Variants in MYH14 observed in about 807,000 individuals in gnomAD.
MYH14 encodes the protein myosin heavy chain 14.
MYH14 carries 123 observed loss-of-function variants against 255.5 expected under a neutral mutation model. That is an observed-to-expected ratio of 0.48 (90% CI 0.42 to 0.56). The LOEUF is 0.56. Among genes scored for constraint, MYH14 ranks in the 20% least tolerant of loss-of-function variants. MYH14 has a pLI of 0.00. For missense variants in MYH14, 2,423 were observed against 2,802.3 expected (o/e 0.86, Z 3.06); for synonymous variants, 1,095 against 1,161.2 (o/e 0.94, Z 1.16).
rs761083014 is a variant in MYH14 at position 50,289,608 on chromosome 19, A to G, written c.4925A>G (p.Asp1642Gly). ...TQHERDLQGR[D>G]EAGEERRRQL... ...CATGAGCGTGACCTGCAGGGCCGTG[A>G]TGAGGCTGGTGAAGAGAGGCGGAGG... Residue 1642 changes from aspartate (D) to glycine (G), a missense_variant, in exon 35 of 43, where the codon GAT (aspartate) becomes GGT (glycine). Asp to Gly is a moderately conservative substitution (Grantham distance 94). Around this residue, in one of 3 missense-constraint regions of MYH14, gnomAD observed 1,513 missense variants for 1,674.8 expected, o/e 0.90. Coordinates refer to ENST00000642316, the MANE Select transcript of MYH14 (RefSeq NM_001145809.2). 4.3e-6 allele frequency: 7 copies of G among 1,612,394 alleles called. No homozygotes were observed. Among genetic ancestry groups the G allele is most frequent in the Non-Finnish European group, 5.9e-6 (7 of 1,179,466 alleles).
At chr19:50,300,985 A>C (rs1174000216) in intron 39 of MYH14, among the ~76,000 whole-genome samples, 1 of 152,068 alleles carries the variant, frequency 6.6e-6, no homozygotes, top group Admixed American at 6.5e-5. Flanking sequence ...AGAATATGCT[A>C]ATTACCCAGT....
intron 13 of MYH14, chr19:50,249,421 CT>C (rs1404109779): frequency 3.4e-5 from 21 of 624,484 alleles, no homozygotes; most frequent in African/African-American, 5.6e-5. Context: ...TCTCTGTCCC[CT>C]GTCTCTGGGT....
Position 50,226,911 on chromosome 19 carries a change from C to T in MYH14, c.819C>T (p.Phe273=). ...KNDNSSRFGK[F]IRINFDVAGY... The stretch of plus-strand genomic sequence containing the variant: ...ACTTTGGTCTCTCCCAGGGCAAATT[C>T]ATCCGCATCAACTTTGATGTTGCCG... The change falls in exon 8 of 43, where the codon TTC becomes TTT. Residue 273 remains phenylalanine (F), a synonymous_variant. Transcript: ENST00000642316. The T allele has an allele frequency of 6.2e-7, 1 of 1,613,814 alleles. No homozygotes were observed. The highest frequency in any genetic ancestry group is 8.5e-7 in the Non-Finnish European group (1 of 1,179,796).
chr19:50,308,843 C>G, intron 41 of MYH14, 162 bp from the exon 42 acceptor site: 1 of 710,838 alleles, frequency 1.4e-6, no homozygotes, highest in Non-Finnish European at 2.3e-6. Context: ...TAGAGGCTGG[C>G]ATGAGGGATT....
rs1048588434 is a variant in MYH14 at position 50,303,747 on chromosome 19, A to G, written c.5678+1878A>G. ...TGTGTTGTTTTTTAGTCTTTTCCTC[A>G]TGGTCATAAAATGGCTGCAATTGCA... is the stretch of plus-strand genomic sequence containing the variant. On this transcript the variant is annotated intron_variant, in intron 40 of 42. Coordinates refer to ENST00000642316, the MANE Select transcript of MYH14 (RefSeq NM_001145809.2). Among the ~76,000 whole-genome samples the G allele has an allele frequency of 3.3e-5, 5 of 152,126 alleles. No individual in the cohort carries two copies. The East Asian group carries it at 7.7e-4, about 23-fold the overall frequency.
At chr19:50,246,645 C>CAAAACAAACA (rs2034138833) in intron 11 of MYH14, among the ~76,000 whole-genome samples, 2 of 53,942 alleles carry the variant, frequency 3.7e-5, no homozygotes, top group African/African-American at 1.8e-4. Flanking sequence ...ACAAAACAAA[C>CAAAACAAACA]AAAAAAACCA....
chr19:50,278,213 T>C lies in MYH14; in HGVS notation c.3956T>C (p.Leu1319Pro). Residue 1319 changes from leucine (L) to proline (P), a missense_variant, in exon 30 of 43, where the codon CTG (leucine) becomes CCG (proline). Transcript: ENST00000642316. ...CGGAGGCGCCGCCTGGAGTTACAGC[T>C]GCAGGAGGTGCAGGGCCGGGCTGGT... The part of the protein sequence containing the change: ...EQRRRRLELQ[L>P]QEVQGRAGDG... 6.2e-7 allele frequency: 1 copy of C among 1,605,758 alleles called. No individual in the cohort carries two copies. Among genetic ancestry groups the C allele is most frequent in the Non-Finnish European group, 8.5e-7 (1 of 1,176,804 alleles).
Position 50,301,864 on chromosome 19 carries a change from G to A in MYH14, c.5673G>A (p.Glu1891=), listed in dbSNP as rs774572299. 3.1e-6 allele frequency: 5 copies of A among 1,610,810 alleles called. No homozygotes were observed. The Admixed American group carries it at 5.1e-5, about 16-fold the overall frequency. The change falls in exon 40 of 43, where the codon GAG becomes GAA. Residue 1891 remains glutamate (E), a synonymous_variant. Transcript: ENST00000642316. ...AGGCTGAGGAGCAGCTAGAGCAAGA[G>A]ACCAGGTAGGTGAGAGCGGAGGCCA... The part of the protein sequence containing the change: ...LAQAEEQLEQ[E]TRERILSGKL...
At chr19:50,251,518 C>CATATATAT in intron 15 of MYH14, among the ~76,000 whole-genome samples, 1 of 18,508 alleles carries the variant, frequency 5.4e-5, no homozygotes, top group African/African-American at 1.2e-4. Flanking sequence ...TATATATACA[C>CATATATAT]ACTACACACA....
chr19:50,216,527 C>G (rs2032481731), intron 2 of MYH14, among the ~76,000 whole-genome samples: 1 of 151,622 alleles, frequency 6.6e-6, no homozygotes, highest in South Asian at 2.1e-4. Context: ...TTGCTTTAGT[C>G]TAGGAGGTGG....
At chr19:50,239,784 C>T (rs750754496) in intron 10 of MYH14, among the ~76,000 whole-genome samples, 2 of 151,626 alleles carry the variant, frequency 1.3e-5, no homozygotes, top group Non-Finnish European at 2.9e-5. Context: ...CTCTTGACCT[C>T]GTGATCTGCC....
Position 50,210,556 on chromosome 19 carries a change from G to T in MYH14, c.191G>T (p.Gly64Val), listed in dbSNP as rs899447322. 6.3e-7 allele frequency: 1 copy of T among 1,582,386 alleles called. No homozygotes were observed. Among genetic ancestry groups the T allele is most frequent in the Non-Finnish European group, 8.6e-7 (1 of 1,165,412 alleles). The change falls in exon 2 of 43, where the codon GGG (glycine) becomes GTG (valine). Residue 64 changes from glycine (G) to valine (V), a missense_variant. Gly to Val is a moderately radical substitution (Grantham distance 109). Coordinates refer to ENST00000642316, the MANE Select transcript of MYH14 (RefSeq NM_001145809.2). The stretch of plus-strand genomic sequence containing the variant: ...GTGTGGGTGCCTTCGGAGCTTCACG[G>T]GTTCGAGGCGGCGGCGCTGCGGGAC... ...RLVWVPSELH[G>V]FEAAALRDEG...
At chr19:50,294,842 T>C (rs1184735871) in intron 39 of MYH14, among the ~76,000 whole-genome samples, 3 of 152,042 alleles carry the variant, frequency 2.0e-5, no homozygotes, top group Admixed American at 6.6e-5. Context: ...CCTACTTTAA[T>C]TGATGGTGAT....
chr19:50,228,189 G>A (rs370425884), intron 8 of MYH14, among the ~76,000 whole-genome samples: 3 of 151,880 alleles, frequency 2.0e-5, no homozygotes, highest in African/African-American at 7.3e-5. Context: ...TGGAGGCTGA[G>A]GCAGGAGAAT....
At chr19:50,207,251 GAGAGAA>G (rs2031822389) in intron 1 of MYH14, among the ~76,000 whole-genome samples, 1 of 128,868 alleles carries the variant, frequency 7.8e-6, no homozygotes, top group Non-Finnish European at 1.6e-5. Context: ...GAGAGAGAGA[GAGAGAA>G]AGAGAGAGAG....
intron 27 of MYH14, among the ~76,000 whole-genome samples, chr19:50,274,945 A>G (rs1212630650): frequency 1.3e-5 from 2 of 151,772 alleles, no homozygotes; most frequent in Non-Finnish European, 2.9e-5. Flanking sequence ...AAAAAAAAAA[A>G]AAAAGAAAGC....
At chr19:50,251,567 C>CATATATATATATATATAT (rs1568500704) in intron 15 of MYH14, among the ~76,000 whole-genome samples, 1 of 118,422 alleles carries the variant, frequency 8.4e-6, no homozygotes, top group African/African-American at 3.2e-5. Flanking sequence ...CACACACACA[C>CATATATATATATATATAT]ACATATATAT....
At chr19:50,237,325 A>AC (rs1427957762) in intron 10 of MYH14, among the ~76,000 whole-genome samples, 1 of 137,386 alleles carries the variant, frequency 7.3e-6, no homozygotes, top group Non-Finnish European at 1.6e-5. Flanking sequence ...TCAGGTGTGA[A>AC]CATTTTTTTT....
chr19:50,255,368 G>T, intron 17 of MYH14, 50 bp downstream of exon 17: 1 of 1,403,602 alleles, frequency 7.1e-7, no homozygotes, highest in Non-Finnish European at 9.8e-7. Context: ...GGAGGAGGGT[G>T]GACCTGTTGG....
Sources: allele counts gnomAD v4.1 joint callset (sites outside exome capture counted in the v4.1 genomes callset), GRCh38; gene constraint gnomAD v4.1.1; regional missense constraint gnomAD v4.1.1; transcripts MANE v1.5; gene names NCBI Gene and HGNC (gene_info 2026-07-23, HGNC 2026-07-21).